The following SLC25A41 variants were observed in gnomAD, a reference collection of about 807,000 sequenced individuals.
The protein encoded by SLC25A41 is mitochondrial carrier protein SCaMC-3L.
Under a neutral mutation model 34.7 loss-of-function variants are expected in SLC25A41, and 35 were observed. That is an observed-to-expected ratio of 1.01 (90% CI 0.77 to 1.34). The LOEUF is 1.34. Ranked by LOEUF, SLC25A41 falls within the 40% of genes most tolerant of loss-of-function variation. The pLI is 0.00. For synonymous variants in SLC25A41, 190 were observed against 209.9 expected, an observed-to-expected ratio of 0.91 and a Z score of 0.82; for missense variants, 492 against 489.8, an observed-to-expected ratio of 1.00 and a Z score of -0.04.
Position 6,432,042 on chromosome 19 carries a change from C to T in SLC25A41, c.363+7G>A. The stretch of plus-strand genomic sequence containing the variant: ...TGGGTCCCGTCCTCCCCCCAACCCA[C>T]ACAAACCTGCATGTACACCTTGGCT... On this transcript the variant is annotated splice_region_variant and intron_variant, in intron 2 of 6. Transcript: ENST00000321510. 1.2e-6 allele frequency: 2 copies of T among 1,608,004 alleles called. No homozygotes were observed. The highest frequency in any genetic ancestry group is 1.7e-6 in the Non-Finnish European group (2 of 1,176,736).
chr19:6,428,570 C>A (rs2092254928), intron 4 of SLC25A41, among the ~76,000 whole-genome samples: 1 of 145,982 alleles, frequency 6.9e-6, no homozygotes, highest in South Asian at 2.1e-4. Flanking sequence ...TTTTATATTA[C>A]ATAGTATATA....
intron 4 of SLC25A41, 25 bp downstream of exon 4, chr19:6,429,699 A>G: frequency 1.3e-6 from 2 of 1,526,788 alleles, no homozygotes; most frequent in Non-Finnish European, 1.8e-6. Context: ...GCGTTTCCTC[A>G]CCTGCGGGGC....
rs759667325 is a variant in SLC25A41, at chr19:6,433,616, G to C, written c.78C>G (p.Leu26=). The C allele has an allele frequency of 6.2e-7, 1 of 1,612,142 alleles. No individual in the cohort carries two copies. Among genetic ancestry groups the C allele is most frequent in the South Asian group, 1.1e-5 (1 of 90,734 alleles). The change falls in exon 1 of 7, where the codon CTC becomes CTG. Residue 26 remains leucine, a synonymous_variant. Transcript: ENST00000321510. ...QTLFRRVKTL[L]IKAPPPPQPP... is the part of the protein sequence containing the mutation. ...GTTGGGGGGGAGGCGGGGCTTTGATGAGTAAGGTCTTGACCCTCCTAAACA... is the reference window on the plus strand; with the variant it reads ...GTTGGGGGGGAGGCGGGGCTTTGATCAGTAAGGTCTTGACCCTCCTAAACA...
chr19:6,427,074 T>C lies in SLC25A41; in HGVS notation c.940+29A>G. 3 of 1,573,410 alleles carry C rather than the reference T, an allele frequency of 1.9e-6. No homozygotes were observed. The highest frequency in any genetic ancestry group is 8.6e-7 in the Non-Finnish European group (1 of 1,160,302). Reference sequence around the variant, plus strand: ...GCCAGGGTGGGGCGGGGAAGGGGCATGCGTGGTGGCCGCTGGGGACAGGCT... The same window carrying C: ...GCCAGGGTGGGGCGGGGAAGGGGCACGCGTGGTGGCCGCTGGGGACAGGCT... On this transcript the variant is annotated intron_variant, in intron 6 of 6. Transcript: ENST00000321510. The surrounding 1 kb of genome is among the most constrained non-coding windows in gnomAD (Gnocchi z 4.9).
intron 1 of SLC25A41, among the ~76,000 whole-genome samples, chr19:6,432,875 C>T (rs1294066572): frequency 6.6e-6 from 1 of 151,894 alleles, no homozygotes; most frequent in Non-Finnish European, 1.5e-5. Context: ...ACCATGTTGG[C>T]CAGGCTGGTC....
In SLC25A41 at chr19:6,429,716, T is replaced by C; in HGVS notation, c.624+8A>G. On this transcript the variant is annotated splice_region_variant and intron_variant, in intron 4 of 6. Transcript: ENST00000321510. ...GTTTCCTCACCTGCGGGGCACATGCTCTCTTACCTCCATGGGGTTGATGAG... is the reference window on the plus strand; with the variant it reads ...GTTTCCTCACCTGCGGGGCACATGCCCTCTTACCTCCATGGGGTTGATGAG... 2.6e-6 allele frequency: 4 copies of C among 1,555,980 alleles called. No individual in the cohort carries two copies. The highest frequency in any genetic ancestry group is 3.5e-6 in the Non-Finnish European group (4 of 1,152,960).
intron 4 of SLC25A41, among the ~76,000 whole-genome samples, chr19:6,429,164 A>ATATATATATATTATATATATGTT (rs1491091352): frequency 1.4e-3 from 8 of 5,520 alleles, no homozygotes; most frequent in Admixed American, 3.4e-3. Flanking sequence ...TTATATATAT[A>ATATATATATATTATATATATGTT]ATATATATAT....
Position 6,427,753 on chromosome 19 carries a change from G to A in SLC25A41, c.625-252C>T, listed in dbSNP as rs1267602003. Among the ~76,000 whole-genome samples the A allele has an allele frequency of 6.6e-6, 1 of 152,204 alleles. No homozygotes were observed. The highest frequency in any genetic ancestry group is 2.4e-5 in the African/African-American group (1 of 41,460). ...TGTCTTCCCAGCCCTTTGGGAGGCT[G>A]AGGCGGGAGGATCGCTTGAGGCCGG... is the stretch of plus-strand genomic sequence containing the variant. On this transcript the variant is annotated intron_variant, in intron 4 of 6. Coordinates refer to ENST00000321510, the MANE Select transcript of SLC25A41 (RefSeq NM_173637.4). The surrounding 1 kb of genome is among the most constrained non-coding windows in gnomAD (Gnocchi z 4.9).
intron 1 of SLC25A41, 130 bp downstream of exon 1, chr19:6,433,357 C>T: frequency 1.1e-6 from 1 of 927,598 alleles, no homozygotes; most frequent in Non-Finnish European, 1.7e-6. Context: ...GCCTCCCTGC[C>T]CCACCCTGCT....
Position 6,433,482 on chromosome 19 carries a change from C to T in SLC25A41, c.207+5G>A. 2 of 1,612,154 alleles carry T rather than the reference C, an allele frequency of 1.2e-6. No individual in the cohort carries two copies. The highest frequency in any genetic ancestry group is 1.7e-6 in the Non-Finnish European group (2 of 1,179,842). ...TGCCGGGACACTGGTGTTTCCTAAACTCACCTGCTGTGACGGGAGATGTTC... is the reference window on the plus strand; with the variant it reads ...TGCCGGGACACTGGTGTTTCCTAAATTCACCTGCTGTGACGGGAGATGTTC... On this transcript the variant is annotated splice_donor_5th_base_variant and intron_variant, in intron 1 of 6. Coordinates refer to ENST00000321510, the MANE Select transcript of SLC25A41 (RefSeq NM_173637.4).
chr19:6,426,462 A>C lies in SLC25A41; in HGVS notation c.1040T>G (p.Leu347Arg). 1 of 1,613,782 alleles carries C rather than the reference A, an allele frequency of 6.2e-7. No individual in the cohort carries two copies. The highest frequency in any genetic ancestry group is 1.3e-5 in the African/African-American group (1 of 75,048). ...LGLYRGMTPTLLKVLPAGGIS... is the reference protein window; with the variant it reads ...LGLYRGMTPTRLKVLPAGGIS... ...GCCACCTGCTGGTAAGACCTTCAGT[A>C]GCGTGGGGGTCATGCCTCGGTACAG... Residue 347 changes from leucine to arginine, a missense_variant, in exon 7 of 7, where the codon CTA becomes CGA. By Grantham distance (102) the Leu-to-Arg change is moderately radical. Transcript: ENST00000321510.
intron 4 of SLC25A41, among the ~76,000 whole-genome samples, chr19:6,428,474 T>G (rs2092254431): frequency 6.8e-6 from 1 of 147,360 alleles, no homozygotes; most frequent in South Asian, 2.1e-4. Flanking sequence ...AAAATATATA[T>G]GTATACATAT....
Position 6,427,642 on chromosome 19 carries a change from G to T in SLC25A41, c.625-141C>A. 1 of 956,604 alleles carries T rather than the reference G, an allele frequency of 1.0e-6. No homozygotes were observed. Among genetic ancestry groups the T allele is most frequent in the Non-Finnish European group, 1.5e-6 (1 of 684,370 alleles). 59.3% of individuals were successfully genotyped at this position (956,604 alleles called of 1,614,324 possible). Reference sequence around the variant, plus strand: ...CTGGGTTTCAGACCCGGATCTGTCAGATTCCATGGAATGCTCTCTGAATTT... The same window carrying T: ...CTGGGTTTCAGACCCGGATCTGTCATATTCCATGGAATGCTCTCTGAATTT... On this transcript the variant is annotated intron_variant, in intron 4 of 6. Coordinates refer to ENST00000321510, the MANE Select transcript of SLC25A41 (RefSeq NM_173637.4). The surrounding 1 kb of genome is among the most constrained non-coding windows in gnomAD (Gnocchi z 4.9).
intron 2 of SLC25A41, 96 bp from the exon 3 acceptor site, chr19:6,430,257 ACC>A: frequency 7.3e-7 from 1 of 1,368,362 alleles, no homozygotes; most frequent in Non-Finnish European, 9.7e-7. Context: ...CTCCCAAGCC[ACC>A]CAACCCCAAC....
At chr19:6,429,050 T>A (rs1175882594) in intron 4 of SLC25A41, among the ~76,000 whole-genome samples, 381 of 35,184 alleles carry the variant, frequency 0.011, 97 homozygotes, top group South Asian at 0.015. Flanking sequence ...ATATATATAT[T>A]ATATATATGT....
upstream of SLC25A41, among the ~76,000 whole-genome samples, chr19:6,434,873 C>T (rs150225650): frequency 3.4e-3 from 517 of 151,974 alleles, 6 homozygotes; most frequent in African/African-American, 0.012. Context: ...TGAGCCATTG[C>T]ACTGCAGCCT....
rs1246617363 is a variant in SLC25A41, at chr19:6,433,741, T to C, written c.-48A>G. ...TTCAAATCCCTAAGCAGTTGTTTGC[T>C]GCTCCAGCTACCATGCGGGAGTGTC... On this transcript the variant is annotated 5_prime_UTR_variant, in exon 1 of 7. Coordinates refer to ENST00000321510, the MANE Select transcript of SLC25A41 (RefSeq NM_173637.4). 3 of 1,435,882 alleles carry C rather than the reference T, an allele frequency of 2.1e-6. No individual in the cohort carries two copies. The highest frequency in any genetic ancestry group is 1.4e-5 in the South Asian group (1 of 70,884). 88.9% of individuals were successfully genotyped at this position (1,435,882 alleles called of 1,614,324 possible). A position where few individuals can be genotyped will look rare whatever the true frequency, so the allele number is the denominator to read the frequency against.
chr19:6,433,397 G>A, intron 1 of SLC25A41, 90 bp downstream of exon 1: 1 of 1,304,446 alleles, frequency 7.7e-7, no homozygotes, highest in Admixed American at 1.7e-5. Flanking sequence ...CCGCTAGCAG[G>A]GGAGTGGGCC....
intron 6 of SLC25A41, 119 bp downstream of exon 6, chr19:6,426,984 A>C: frequency 8.7e-7 from 1 of 1,154,076 alleles, no homozygotes; most frequent in Non-Finnish European, 1.2e-6. Flanking sequence ...AAGTTATCAA[A>C]AGTGGGCTGG....
Sources: allele counts gnomAD v4.1 joint callset (sites outside exome capture counted in the v4.1 genomes callset), GRCh38; gene constraint gnomAD v4.1.1; non-coding constraint Gnocchi (gnomAD v3.1); transcripts MANE v1.5; gene names NCBI Gene and HGNC (gene_info 2026-07-23, HGNC 2026-07-21).